Variants in NUBPL observed in about 807,000 individuals in gnomAD.
NUBPL encodes NUBP iron-sulfur cluster assembly factor, mitochondrial.
A neutral mutation model predicts 45.7 loss-of-function variants in NUBPL; 31 were observed. The observed-to-expected ratio is 0.68, with a 90% CI of 0.51 to 0.92. The LOEUF (loss-of-function observed/expected upper bound fraction) is 0.92. Among genes scored for constraint, NUBPL ranks in the 40% least tolerant of loss-of-function variants. The pLI is 0.00. For synonymous variants in NUBPL, 144 were observed against 140.9 expected (o/e 1.02, Z -0.15); for missense variants, 401 against 398.7 (o/e 1.01, Z -0.05).
At chr14:31,812,427 G>C (rs1042981813) in intron 7 of NUBPL, among the ~76,000 whole-genome samples, 1 of 152,214 alleles carries the variant, frequency 6.6e-6, no homozygotes, top group Non-Finnish European at 1.5e-5. Context: ...CCGTGGGCAA[G>C]AGATCCGCTT....
intron 6 of NUBPL, among the ~76,000 whole-genome samples, chr14:31,718,177 G>T (rs1450511863): frequency 1.3e-5 from 2 of 152,140 alleles, no homozygotes; most frequent in Non-Finnish European, 2.9e-5. Flanking sequence ...TTTCAAGCCA[G>T]GAGATCCAGC....
rs538964065 is a variant in NUBPL, at chr14:31,682,572, C to T, written c.513+8998C>T. On this transcript the variant is annotated intron_variant, in intron 6 of 10. Transcript: ENST00000281081. ...ATTTTGATTTTTTCCTCATATGTTT[C>T]ATCTGTTTTTTTCTTTTTTCTTACG... 4.4e-4 allele frequency among the ~76,000 whole-genome samples: 67 copies of T among 152,066 alleles called. 1 individual carries two copies. Among genetic ancestry groups the T allele is most frequent in the Non-Finnish European group, 8.1e-4 (55 of 67,964 alleles).
At chr14:31,666,287 C>T (rs9943968) in intron 4 of NUBPL, among the ~76,000 whole-genome samples, 12,728 of 97,266 alleles carry the variant, frequency 0.13, 830 homozygotes, top group African/African-American at 0.21. Context: ...TTTTTTGAGA[C>T]GGAATCTCCC....
intron 4 of NUBPL, among the ~76,000 whole-genome samples, chr14:31,671,783 T>A (rs1166415619): frequency 6.6e-6 from 1 of 152,190 alleles, no homozygotes; most frequent in African/African-American, 2.4e-5. Flanking sequence ...GGCTTTTTCT[T>A]TGAGTAGGGA....
At chr14:31,592,051 T>A (rs2034156051) in intron 3 of NUBPL, among the ~76,000 whole-genome samples, 2 of 151,984 alleles carry the variant, frequency 1.3e-5, no homozygotes, top group Admixed American at 1.3e-4. Context: ...TTAGTGCTGG[T>A]TTGCAGTTTA....
At chr14:31,821,778 G>A (rs929760082) in intron 7 of NUBPL, among the ~76,000 whole-genome samples, 3 of 152,200 alleles carry the variant, frequency 2.0e-5, no homozygotes. Context: ...AGATTTGAAA[G>A]CAACCTAAGT....
intron 4 of NUBPL, among the ~76,000 whole-genome samples, chr14:31,622,158 T>C (rs1168822721): frequency 6.6e-6 from 1 of 152,152 alleles, no homozygotes; most frequent in African/African-American, 2.4e-5. Context: ...TGTGGAACTT[T>C]GAACTTGAGA....
chr14:31,770,555 C>T (rs148091703), intron 6 of NUBPL, among the ~76,000 whole-genome samples: 13 of 152,284 alleles, frequency 8.5e-5, no homozygotes, highest in East Asian at 5.8e-4. Flanking sequence ...GAGGAAGTTA[C>T]GAAACTTGTG....
At chr14:31,697,124 G>T (rs908533853) in intron 6 of NUBPL, among the ~76,000 whole-genome samples, 1 of 152,178 alleles carries the variant, frequency 6.6e-6, no homozygotes, top group African/African-American at 2.4e-5. Context: ...ATCTACCAGA[G>T]GAAAGTAATG....
intron 4 of NUBPL, among the ~76,000 whole-genome samples, chr14:31,631,713 G>A (rs896844448): frequency 6.6e-6 from 1 of 151,946 alleles, no homozygotes; most frequent in African/African-American, 2.4e-5. Context: ...GCAGAAAACC[G>A]ACATCCAAGC....
At chr14:31,837,742 A>C (rs2139002128) in intron 8 of NUBPL, among the ~76,000 whole-genome samples, 1 of 152,340 alleles carries the variant, frequency 6.6e-6, no homozygotes, top group African/African-American at 2.4e-5. Flanking sequence ...AAGAGACCCG[A>C]GCAGGCACTT....
chr14:31,597,095 C>T (rs1043838037), intron 3 of NUBPL, among the ~76,000 whole-genome samples: 7 of 152,172 alleles, frequency 4.6e-5, no homozygotes, highest in African/African-American at 9.7e-5. Flanking sequence ...GCTCCTCTCT[C>T]TCTTTCCTCT....
chr14:31,638,491 A>C (rs1170452593), intron 4 of NUBPL, among the ~76,000 whole-genome samples: 1 of 151,784 alleles, frequency 6.6e-6, no homozygotes, highest in South Asian at 2.1e-4. Flanking sequence ...TTTGTGGGTA[A>C]CCCGACCTTT....
intron 7 of NUBPL, among the ~76,000 whole-genome samples, chr14:31,788,338 AG>A (rs2039321688): frequency 6.6e-6 from 1 of 151,642 alleles, no homozygotes; most frequent in Admixed American, 6.5e-5. Context: ...TCAACATTGC[AG>A]TTTTCATTGT....
Position 31,754,634 on chromosome 14 carries a change from G to A in NUBPL, c.514-33146G>A, listed in dbSNP as rs572097203. On this transcript the variant is annotated intron_variant, in intron 6 of 10. Coordinates refer to ENST00000281081, the MANE Select transcript of NUBPL (RefSeq NM_025152.3). ...TTTTCTATTTGAGATCTTGCCAATA[G>A]ATTCATTTTTATTTTTCTTGTTGCA... 2.5e-4 allele frequency among the ~76,000 whole-genome samples: 26 copies of A among 102,656 alleles called. 1 individual carries two copies. The South Asian group carries it at 6.0e-3, about 24-fold the overall frequency. 67.3% of individuals were successfully genotyped at this position (102,656 alleles called of 152,430 possible).
In NUBPL at chr14:31,679,048, G is replaced by T. The variant is rs145515739; in HGVS notation, c.513+5474G>T. ...GCAGGCATCAGGTAGGTGCAGCCTG[G>T]TTCTGCTTTTTGCTATGATGGGGCA... On this transcript the variant is annotated intron_variant, in intron 6 of 10. Coordinates refer to ENST00000281081, the MANE Select transcript of NUBPL (RefSeq NM_025152.3). 1.1e-4 allele frequency among the ~76,000 whole-genome samples: 17 copies of T among 152,308 alleles called. No homozygotes were observed. The East Asian group carries it at 3.3e-3, about 29-fold the overall frequency.
intron 8 of NUBPL, among the ~76,000 whole-genome samples, chr14:31,832,407 G>T (rs2040207223): frequency 6.6e-6 from 1 of 152,114 alleles, no homozygotes; most frequent in Admixed American, 6.6e-5. Flanking sequence ...AAAGAATTTT[G>T]AGAGTTATGA....
chr14:31,628,870 T>A (rs1179840479), intron 4 of NUBPL, among the ~76,000 whole-genome samples: 1 of 152,214 alleles, frequency 6.6e-6, no homozygotes, highest in Non-Finnish European at 1.5e-5. Context: ...CAGGACATTC[T>A]TCAGTGAAAC....
At position 31,605,901 on chromosome 14, in the gene NUBPL, CTCCT is replaced by C. The variant is rs2034580102; in HGVS notation, c.382+6529_382+6532del. Among the ~76,000 whole-genome samples, 3 of 146,766 alleles carry C rather than the reference CTCCT, an allele frequency of 2.0e-5. No homozygotes were observed. In the South Asian group the frequency reaches 6.7e-4, roughly 33 times the overall value. ...CTTCCTCCTCCTTGTCTCCTCCCTT[CTCCT>C]TCCTTCTCTCCTCCTCCCTTCTCCC... On this transcript the variant is annotated intron_variant, in intron 4 of 10. Coordinates refer to ENST00000281081, the MANE Select transcript of NUBPL (RefSeq NM_025152.3).
Sources: gnomAD v4.1 joint callset for allele counts (sites outside exome capture counted in the v4.1 genomes callset) on GRCh38, gnomAD v4.1.1 for gene constraint, MANE v1.5 for transcripts, NCBI Gene and HGNC (gene_info 2026-07-23, HGNC 2026-07-21) for gene names.